TMEM209: variants seen among roughly 807,000 people sequenced by gnomAD.
TMEM209 encodes the protein transmembrane protein 209, also known as testicular tissue protein Li 202.
Under a neutral mutation model 76.2 loss-of-function variants are expected in TMEM209, and 65 were observed. That is an observed-to-expected ratio of 0.85 (90% CI 0.70 to 1.05). The LOEUF is 1.05. Ranked by LOEUF, TMEM209 falls within the 50% of genes least tolerant of loss-of-function variation. The pLI, the probability that TMEM209 is intolerant of heterozygous loss-of-function variation, is 0.00. For missense variants in TMEM209, 623 were observed against 685.5 expected (o/e 0.91, Z 1.02); for synonymous variants, 239 against 237.6 (o/e 1.01, Z -0.06).
In TMEM209 at chr7:130,173,847, A is replaced by C. The variant is rs370995504; in HGVS notation, c.1437T>G (p.Phe479Leu). 9.9e-6 allele frequency: 16 copies of C among 1,613,776 alleles called. No homozygotes were observed. The highest frequency in any genetic ancestry group is 1.4e-5 in the Non-Finnish European group (16 of 1,179,786). Reference protein sequence around the residue: ...PDGKTFTSQHFVQTPNKPDVT... With the variant: ...PDGKTFTSQHLVQTPNKPDVT... ...TACCTGGTTTATTTGGTGTCTGAAC[A>C]AAGTGCTGAGAAGTAAAAGTTTTTC... The change falls in exon 12 of 15, where the codon TTT (phenylalanine) becomes TTG (leucine). Residue 479 changes from phenylalanine (F) to leucine (L), a missense_variant. Phe to Leu is a conservative substitution (Grantham distance 22). Coordinates refer to ENST00000397622, the MANE Select transcript of TMEM209 (RefSeq NM_032842.4).
At chr7:130,183,239 T>A in intron 8 of TMEM209, among the ~76,000 whole-genome samples, 1 of 152,176 alleles carries the variant, frequency 6.6e-6, no homozygotes, top group South Asian at 2.1e-4. Context: ...ACTACATGCA[T>A]CTTAATTTGC....
chr7:130,173,564 T>A, intron 13 of TMEM209, 68 bp downstream of exon 13: 2 of 1,229,310 alleles, frequency 1.6e-6, no homozygotes, highest in Non-Finnish European at 2.3e-6. Flanking sequence ...AGATTATAAT[T>A]TTAAAAACAT....
chr7:130,192,074 C>G (rs1361945709), intron 6 of TMEM209, among the ~76,000 whole-genome samples: 1 of 152,134 alleles, frequency 6.6e-6, no homozygotes, highest in East Asian at 1.9e-4. Flanking sequence ...AGTTCAATAA[C>G]CTAATTTGGT....
intron 10 of TMEM209, among the ~76,000 whole-genome samples, chr7:130,176,630 C>T (rs1274115860): frequency 6.6e-6 from 1 of 151,820 alleles, no homozygotes; most frequent in African/African-American, 2.4e-5. Flanking sequence ...TCAGCAAAAC[C>T]CACACTATGG....
chr7:130,197,896 A>C (rs1483605902), intron 5 of TMEM209, among the ~76,000 whole-genome samples: 3 of 152,240 alleles, frequency 2.0e-5, no homozygotes, highest in Non-Finnish European at 4.4e-5. Context: ...CAGTTCATTA[A>C]CATTTGCTTT....
intron 14 of TMEM209, among the ~76,000 whole-genome samples, 159 bp from the exon 15 acceptor site, chr7:130,166,664 A>C (rs935245944): frequency 6.6e-6 from 1 of 152,222 alleles, no homozygotes; most frequent in Non-Finnish European, 1.5e-5. Flanking sequence ...GAATTCCAGT[A>C]ACAGTAATTA....
At chr7:130,199,499 C>T (rs905954848) in intron 5 of TMEM209, among the ~76,000 whole-genome samples, 1 of 152,118 alleles carries the variant, frequency 6.6e-6, no homozygotes, top group Non-Finnish European at 1.5e-5. Flanking sequence ...GGATTACAGG[C>T]GTGACCCGCT....
At chr7:130,175,802 G>T (rs1181457918) in intron 10 of TMEM209, among the ~76,000 whole-genome samples, 193 bp from the exon 11 acceptor site, 1 of 152,064 alleles carries the variant, frequency 6.6e-6, no homozygotes, top group Non-Finnish European at 1.5e-5. Flanking sequence ...AATCCAAAAT[G>T]TGGGATTTTA....
chr7:130,201,877 G>T lies in TMEM209; in HGVS notation c.546C>A (p.Thr182=). 6.2e-7 allele frequency: 1 copy of T among 1,613,898 alleles called. No homozygotes were observed. The highest frequency in any genetic ancestry group is 8.5e-7 in the Non-Finnish European group (1 of 1,179,868). ...GGSGSYSPGV[T]YSPVSGYNKL... is the part of the protein sequence containing the mutation. Reference sequence around the variant, plus strand: ...TATTATAACCACTGACGGGCGAGTAGGTCACTCCAGGGCTATAAGAACCAC... The same window carrying T: ...TATTATAACCACTGACGGGCGAGTATGTCACTCCAGGGCTATAAGAACCAC... Residue 182 remains threonine, a synonymous_variant, in exon 5 of 15, where the codon ACC becomes ACA. Coordinates refer to ENST00000397622, the MANE Select transcript of TMEM209 (RefSeq NM_032842.4).
At chr7:130,191,119 AAAGT>A (rs1293383615) in intron 6 of TMEM209, among the ~76,000 whole-genome samples, 1 of 152,176 alleles carries the variant, frequency 6.6e-6, no homozygotes, top group African/African-American at 2.4e-5. Context: ...AGAAGGGCTA[AAAGT>A]ATAGGGATAG....
In TMEM209 at chr7:130,201,965, T is replaced by TTGGGAC. The variant is rs1430066565; in HGVS notation, c.452_457dup (p.Ser151_Pro152dup). On this transcript the variant is annotated inframe_insertion, in exon 5 of 15. Transcript: ENST00000397622. ...ACCAGTCATACAGCTGGTGGTGAAC[T>TTGGGAC]TGGGACTGGTACTGGGCGAACGAGA... 5 of 1,613,854 alleles carry TTGGGAC rather than the reference T, an allele frequency of 3.1e-6. No homozygotes were observed. Among genetic ancestry groups the TTGGGAC allele is most frequent in the Non-Finnish European group, 4.2e-6 (5 of 1,179,866 alleles).
intron 9 of TMEM209, among the ~76,000 whole-genome samples, chr7:130,181,085 T>A (rs930953938): frequency 3.9e-5 from 6 of 152,224 alleles, no homozygotes; most frequent in Non-Finnish European, 8.8e-5. Flanking sequence ...GATGAATGAA[T>A]AAGCAAAGTG....
chr7:130,200,171 C>G (rs1329915528), intron 5 of TMEM209, among the ~76,000 whole-genome samples: 1 of 151,618 alleles, frequency 6.6e-6, no homozygotes, highest in East Asian at 1.9e-4. Context: ...ATATATTAAA[C>G]TCTATAATTA....
intron 5 of TMEM209, among the ~76,000 whole-genome samples, chr7:130,194,571 T>C (rs975579630): frequency 2.6e-5 from 4 of 152,238 alleles, no homozygotes; most frequent in African/African-American, 9.6e-5. Flanking sequence ...AAAATATACA[T>C]AGCTTTGTCA....
chr7:130,198,994 TTG>T (rs1345106181), intron 5 of TMEM209, among the ~76,000 whole-genome samples: 5 of 152,230 alleles, frequency 3.3e-5, no homozygotes, highest in East Asian at 1.9e-4. Flanking sequence ...TCCAATACAA[TTG>T]TGTTTATTGA....
At chr7:130,198,668 T>C (rs1342023393) in intron 5 of TMEM209, among the ~76,000 whole-genome samples, 1 of 152,218 alleles carries the variant, frequency 6.6e-6, no homozygotes, top group Admixed American at 6.5e-5. Flanking sequence ...AATTTACCAC[T>C]GCAAATAGCT....
At chr7:130,171,950 T>C (rs1797082297) in intron 13 of TMEM209, among the ~76,000 whole-genome samples, 2 of 151,994 alleles carry the variant, frequency 1.3e-5, no homozygotes, top group Admixed American at 6.6e-5. Context: ...GGAGAATCGC[T>C]TGAACCTGGG....
chr7:130,201,858 A>G lies in TMEM209; in HGVS notation c.565T>C (p.Tyr189His). The change falls in exon 5 of 15, where the codon TAT (tyrosine) becomes CAT (histidine). Residue 189 changes from tyrosine to histidine, a missense_variant. Physicochemically the swap from Tyr to His is moderately conservative, Grantham distance 83. Transcript: ENST00000397622. ...GAGAAGAGAGTCATTACCTTATTAT[A>G]ACCACTGACGGGCGAGTAGGTCACT... ...PGVTYSPVSG[Y>H]NKLASFSPSP... 6.2e-7 allele frequency: 1 copy of G among 1,613,982 alleles called. No homozygotes were observed.
At chr7:130,179,882 C>T (rs1212573659) in intron 9 of TMEM209, among the ~76,000 whole-genome samples, 1 of 152,166 alleles carries the variant, frequency 6.6e-6, no homozygotes, top group African/African-American at 2.4e-5. Context: ...GAGAGGATCT[C>T]TTGAGCCCAG....
Sources: gnomAD v4.1 joint callset for allele counts (sites outside exome capture counted in the v4.1 genomes callset) on GRCh38, gnomAD v4.1.1 for gene constraint, MANE v1.5 for transcripts, NCBI Gene and HGNC (gene_info 2026-07-23, HGNC 2026-07-21) for gene names.